The following CTNNA3 variants were observed in gnomAD, a reference collection of about 807,000 sequenced individuals.
CTNNA3 encodes the protein catenin alpha 3.
In CTNNA3, 76 loss-of-function variants were observed where a neutral mutation model predicts 95.7. The ratio of observed to expected loss-of-function variants is 0.79; its 90% CI spans 0.66 to 0.96. The LOEUF (loss-of-function observed/expected upper bound fraction) is 0.96, where lower values mean the gene tolerates loss of function less well. Ranked by LOEUF, CTNNA3 falls within the 40% of genes least tolerant of loss-of-function variation. The pLI, the probability that CTNNA3 is intolerant of heterozygous loss-of-function variation, is 0.00. For synonymous variants in CTNNA3, 431 were observed against 374.4 expected (o/e 1.15, Z -1.74); for missense variants, 1,191 against 1,089.8 (o/e 1.09, Z -1.31).
chr10:66,195,689 G>C (rs1205547436), intron 13 of CTNNA3, among the ~76,000 whole-genome samples: 1 of 152,118 alleles, frequency 6.6e-6, no homozygotes, highest in Non-Finnish European at 1.5e-5. Flanking sequence ...CTGTCAACAG[G>C]AGTAAGTCTC....
chr10:66,927,766 A>C lies in CTNNA3; in HGVS notation c.1048-152242T>G. The C allele has an allele frequency of 1.9e-6, 3 of 1,614,200 alleles. No homozygotes were observed. Among genetic ancestry groups the C allele is most frequent in the Non-Finnish European group, 2.5e-6 (3 of 1,180,038 alleles). ...GTGTGTCCCGAATCTGCAGCGCCTC[A>C]ACCTGGATTCCAACAAGCTCACATT... On this transcript the variant is annotated intron_variant, in intron 7 of 17. Coordinates refer to ENST00000433211, the MANE Select transcript of CTNNA3 (RefSeq NM_013266.4). The surrounding 1 kb of genome is among the most constrained non-coding windows in gnomAD (Gnocchi z 4.7).
chr10:66,278,813 T>A (rs2091444196), intron 13 of CTNNA3, among the ~76,000 whole-genome samples: 1 of 152,088 alleles, frequency 6.6e-6, no homozygotes, highest in African/African-American at 2.4e-5. Context: ...GGCAAGACTA[T>A]ATCCTGAAGT....
chr10:66,014,528 A>G (rs913372192), intron 15 of CTNNA3, among the ~76,000 whole-genome samples: 3 of 152,194 alleles, frequency 2.0e-5, no homozygotes, highest in Non-Finnish European at 2.9e-5. Context: ...TCTCACTTCT[A>G]TGAGATAGTC....
intron 17 of CTNNA3, among the ~76,000 whole-genome samples, chr10:65,940,962 A>T (rs1357097548): frequency 1.2e-4 from 18 of 152,226 alleles, no homozygotes; most frequent in Admixed American, 1.2e-3. Flanking sequence ...AAAGTATTAT[A>T]TCCATTATCA....
At chr10:66,686,454 C>A (rs1254050585) in intron 9 of CTNNA3, among the ~76,000 whole-genome samples, 3 of 152,126 alleles carry the variant, frequency 2.0e-5, no homozygotes, top group Non-Finnish European at 4.4e-5. Flanking sequence ...CAGAGTGAGA[C>A]CCTGTCTCAA....
At chr10:66,493,462 G>A (rs536974598) in intron 11 of CTNNA3, among the ~76,000 whole-genome samples, 2 of 152,224 alleles carry the variant, frequency 1.3e-5, no homozygotes, top group African/African-American at 4.8e-5. Context: ...TGCTAAAAAG[G>A]TTAAGAAAGC....
chr10:67,518,856 C>G (rs1196944217), intron 5 of CTNNA3, among the ~76,000 whole-genome samples: 1 of 152,018 alleles, frequency 6.6e-6, no homozygotes, highest in Non-Finnish European at 1.5e-5. Context: ...ACCAAGTAGT[C>G]CAAGCAGATA....
chr10:67,532,910 C>G (rs1840376722), intron 4 of CTNNA3, among the ~76,000 whole-genome samples: 1 of 152,184 alleles, frequency 6.6e-6, no homozygotes, highest in Admixed American at 6.5e-5. Flanking sequence ...AACAACACAG[C>G]CAGGATTCAA....
intron 1 of CTNNA3, among the ~76,000 whole-genome samples, chr10:67,732,917 C>G (rs528606502): frequency 2.8e-4 from 42 of 151,558 alleles, no homozygotes; most frequent in Admixed American, 8.5e-4. Context: ...CACACATTCT[C>G]TCTCTCAAGA....
chr10:66,927,964 A>G lies in CTNNA3; in HGVS notation c.1048-152440T>C. On this transcript the variant is annotated intron_variant, in intron 7 of 17. Coordinates refer to ENST00000433211, the MANE Select transcript of CTNNA3 (RefSeq NM_013266.4). The surrounding 1 kb of genome is among the most constrained non-coding windows in gnomAD (Gnocchi z 4.7). Reference sequence around the variant, plus strand: ...CAGTCCCAAAGAGCTGCAAGGAGTAAATGTGATCGATGCAGTGAAGAACTA... The same window carrying G: ...CAGTCCCAAAGAGCTGCAAGGAGTAGATGTGATCGATGCAGTGAAGAACTA... 1 of 1,614,216 alleles carries G rather than the reference A, an allele frequency of 6.2e-7. No individual in the cohort carries two copies.
intron 11 of CTNNA3, among the ~76,000 whole-genome samples, chr10:66,461,117 G>A (rs1482979646): frequency 1.3e-5 from 2 of 152,114 alleles, no homozygotes; most frequent in Non-Finnish European, 2.9e-5. Context: ...AGAGGAGCCT[G>A]GAGTTGAGGG....
chr10:67,101,243 A>G (rs1244241090), intron 7 of CTNNA3, among the ~76,000 whole-genome samples: 2 of 151,738 alleles, frequency 1.3e-5, no homozygotes, highest in African/African-American at 2.4e-5. Flanking sequence ...AAAACCAAAG[A>G]CCTTCTAAAT....
intron 3 of CTNNA3, among the ~76,000 whole-genome samples, chr10:67,577,583 A>G (rs1466322516): frequency 6.6e-6 from 1 of 151,994 alleles, no homozygotes; most frequent in Non-Finnish European, 1.5e-5. Flanking sequence ...TTGGTGTTTT[A>G]GACGTGAAAC....
At chr10:67,355,211 T>C (rs1233169189) in intron 5 of CTNNA3, among the ~76,000 whole-genome samples, 1 of 152,034 alleles carries the variant, frequency 6.6e-6, no homozygotes, top group African/African-American at 2.4e-5. Flanking sequence ...TTAAACTTTA[T>C]TGATATTTTA....
intron 13 of CTNNA3, among the ~76,000 whole-genome samples, chr10:66,249,848 CA>C (rs918413405): frequency 6.6e-6 from 1 of 151,964 alleles, no homozygotes; most frequent in African/African-American, 2.4e-5. Context: ...AACAAACAAA[CA>C]AAAACTAAAA....
intron 5 of CTNNA3, among the ~76,000 whole-genome samples, chr10:67,250,630 G>A (rs1250491283): frequency 6.6e-6 from 1 of 152,080 alleles, no homozygotes; most frequent in Admixed American, 6.6e-5. Context: ...AGGGATGCCT[G>A]TATATTTCAG....
At chr10:66,569,597 A>G (rs1842808595) in intron 10 of CTNNA3, among the ~76,000 whole-genome samples, 1 of 152,182 alleles carries the variant, frequency 6.6e-6, no homozygotes, top group Non-Finnish European at 1.5e-5. Context: ...ATAATAAGAC[A>G]TTATTATTCT....
At chr10:66,846,336 A>G (rs1843273927) in intron 7 of CTNNA3, among the ~76,000 whole-genome samples, 1 of 152,166 alleles carries the variant, frequency 6.6e-6, no homozygotes, top group Admixed American at 6.5e-5. Flanking sequence ...TTGCTTATCA[A>G]TGGGCATAAA....
chr10:66,322,920 T>C (rs1182035731), intron 12 of CTNNA3, among the ~76,000 whole-genome samples: 1 of 151,886 alleles, frequency 6.6e-6, no homozygotes, highest in Non-Finnish European at 1.5e-5. Flanking sequence ...CAATCTGGTA[T>C]AAGCCCTCAA....
Sources: allele counts gnomAD v4.1 joint callset (sites outside exome capture counted in the v4.1 genomes callset), GRCh38; gene constraint gnomAD v4.1.1; non-coding constraint Gnocchi (gnomAD v3.1); transcripts MANE v1.5; gene names NCBI Gene and HGNC (gene_info 2026-07-23, HGNC 2026-07-21).